Variants in RNF144B observed in about 807,000 individuals in gnomAD.
RNF144B encodes E3 ubiquitin-protein ligase RNF144B.
A neutral mutation model predicts 40.2 loss-of-function variants in RNF144B; 25 were observed. The observed-to-expected ratio is 0.62, with a 90% CI of 0.45 to 0.87. The LOEUF is 0.87. RNF144B is among the 40% of genes least tolerant of loss of function. RNF144B has a pLI of 0.00. For missense variants in RNF144B, 365 were observed against 373.7 expected (o/e 0.98, Z 0.19); for synonymous variants, 145 against 136.3 (o/e 1.06, Z -0.44).
At position 18,410,192 on chromosome 6, in the gene RNF144B, A is replaced by G. The variant is rs1795006524; in HGVS notation, c.165+10493A>G. Among the ~76,000 whole-genome samples the G allele has an allele frequency of 6.6e-6, 1 of 152,174 alleles. No individual in the cohort carries two copies. ...TGTTGCCACTAAGTCACCAAAGTTT[A>G]TGTATTTCTTCTTTTGAAGTTGCAC... On this transcript the variant is annotated intron_variant, in intron 2 of 7. Transcript: ENST00000259939. This position sits in a 1 kb window ranked among gnomAD's most constrained non-coding sequence, Gnocchi z 4.6.
intron 1 of RNF144B, among the ~76,000 whole-genome samples, chr6:18,389,499 C>T (rs747374386): frequency 6.6e-6 from 1 of 152,160 alleles, no homozygotes; most frequent in Non-Finnish European, 1.5e-5. Flanking sequence ...ATATTTTAGA[C>T]GTTTAGAAAC....
Position 18,465,052 on chromosome 6 carries a change from C to T in RNF144B, c.897C>T (p.Asp299=). ...KSCRGKKKKH[D]PSTT is the part of the protein sequence containing the mutation. ...GTCGGGGCAAGAAGAAAAAGCACGA[C>T]CCATCCACAACCTAAAGATCTCTGT... The change falls in exon 8 of 8, where the codon GAC becomes GAT. Residue 299 remains aspartate (D), a synonymous_variant. Coordinates refer to ENST00000259939, the MANE Select transcript of RNF144B (RefSeq NM_182757.4). 9 of 1,613,720 alleles carry T rather than the reference C, an allele frequency of 5.6e-6. No homozygotes were observed. The highest frequency in any genetic ancestry group is 7.6e-6 in the Non-Finnish European group (9 of 1,179,864).
chr6:18,427,787 T>C (rs2080727692), intron 3 of RNF144B, 102 bp downstream of exon 3: 1 of 757,778 alleles, frequency 1.3e-6, no homozygotes, highest in Non-Finnish European at 2.2e-6. Context: ...AGCAAGAAAA[T>C]ACAGAGGTTA....
rs1795199399 is a variant in RNF144B at position 18,418,949 on chromosome 6, G to A, written c.166-8632G>A. ...GATAATTCTATTAAAAAGCTGATGTGGAGAATCTTTGACATGGGTCTTGGT... is the reference window on the plus strand; with the variant it reads ...GATAATTCTATTAAAAAGCTGATGTAGAGAATCTTTGACATGGGTCTTGGT... On this transcript the variant is annotated intron_variant, in intron 2 of 7. Transcript: ENST00000259939. This position sits in a 1 kb window ranked among gnomAD's most constrained non-coding sequence, Gnocchi z 5.2. Among the ~76,000 whole-genome samples, 1 of 152,052 alleles carries A rather than the reference G, an allele frequency of 6.6e-6. No individual in the cohort carries two copies. Among genetic ancestry groups the A allele is most frequent in the African/African-American group, 2.4e-5 (1 of 41,396 alleles).
intron 3 of RNF144B, among the ~76,000 whole-genome samples, chr6:18,433,702 T>C (rs1349389364): frequency 6.6e-6 from 1 of 152,172 alleles, no homozygotes; most frequent in Non-Finnish European, 1.5e-5. Context: ...TGGAATTCCA[T>C]TTCTTGCCTT....
Position 18,467,054 on chromosome 6 carries a change from A to G in RNF144B, c.*1987A>G, listed in dbSNP as rs1485589216. 3.3e-5 allele frequency: 5 copies of G among 152,646 alleles called. No homozygotes were observed. The highest frequency in any genetic ancestry group is 1.2e-4 in the African/African-American group (5 of 41,458). 9.5% of individuals were successfully genotyped at this position (152,646 alleles called of 1,614,324 possible). ...TTAGTATAATTATAGATTTACATAT[A>G]TTTGAATAGTTAATTTGCTTTGTTT... On this transcript the variant is annotated 3_prime_UTR_variant, in exon 8 of 8. Transcript: ENST00000259939.
chr6:18,394,235 T>C (rs935351143), intron 1 of RNF144B, among the ~76,000 whole-genome samples: 2 of 152,208 alleles, frequency 1.3e-5, no homozygotes, highest in Non-Finnish European at 2.9e-5. Flanking sequence ...CCAATTACAC[T>C]ATCTTTTTGT....
chr6:18,394,606 C>A (rs1000717705), intron 1 of RNF144B, among the ~76,000 whole-genome samples: 6 of 135,424 alleles, frequency 4.4e-5, no homozygotes, highest in Non-Finnish European at 9.7e-5. Context: ...CCCTACCCCC[C>A]AACCAAGAAA....
intron 3 of RNF144B, among the ~76,000 whole-genome samples, chr6:18,438,025 A>C (rs368449055): frequency 2.8e-4 from 43 of 152,330 alleles, no homozygotes; most frequent in African/African-American, 1.0e-3. Flanking sequence ...TGGTTAAAAA[A>C]AGATTCATAG....
rs1397257514 is a variant in RNF144B at position 18,464,322 on chromosome 6, T to C, written c.772-605T>C. 1.3e-5 allele frequency among the ~76,000 whole-genome samples: 2 copies of C among 152,224 alleles called. No individual in the cohort carries two copies. Among genetic ancestry groups the C allele is most frequent in the Non-Finnish European group, 2.9e-5 (2 of 68,040 alleles). ...AGAGAGCACCAATACCAATAATTCA[T>C]GACTATACTGAGCTTGCGACAGCTT... On this transcript the variant is annotated intron_variant, in intron 7 of 7. Coordinates refer to ENST00000259939, the MANE Select transcript of RNF144B (RefSeq NM_182757.4). The surrounding 1 kb of genome is among the most constrained non-coding windows in gnomAD (Gnocchi z 6.1).
Position 18,458,519 on chromosome 6 carries a change from G to T in RNF144B, c.537-1088G>T, listed in dbSNP as rs998963493. Among the ~76,000 whole-genome samples, 2 of 152,142 alleles carry T rather than the reference G, an allele frequency of 1.3e-5. No homozygotes were observed. The highest frequency in any genetic ancestry group is 4.8e-5 in the African/African-American group (2 of 41,428). ...TGGCAGGCATGTGCCCTCTTAGCCG[G>T]ATTCAAACCACTGTTGCCTACATTT... On this transcript the variant is annotated intron_variant, in intron 5 of 7. Coordinates refer to ENST00000259939, the MANE Select transcript of RNF144B (RefSeq NM_182757.4). This position sits in a 1 kb window ranked among gnomAD's most constrained non-coding sequence, Gnocchi z 4.8.
At position 18,427,665 on chromosome 6, in the gene RNF144B, G is replaced by A. The variant is rs754380269; in HGVS notation, c.250G>A (p.Gly84Arg). The change falls in exon 3 of 8, where the codon GGG (glycine) becomes AGG (arginine). Residue 84 changes from glycine (G) to arginine (R), a missense_variant. Physicochemically the swap from Gly to Arg is moderately radical, Grantham distance 125 (BLOSUM62 -2). Coordinates refer to ENST00000259939, the MANE Select transcript of RNF144B (RefSeq NM_182757.4). ...TCPDMVCLNH[G>R]TLQEAEIACL... ...CCCTGACATGGTGTGCCTAAACCAC[G>A]GGACCCTGCAGGAAGCTGAGGTATG... 8.7e-6 allele frequency: 14 copies of A among 1,612,354 alleles called. No homozygotes were observed. The highest frequency in any genetic ancestry group is 1.7e-4 in the Middle Eastern group (1 of 6,052).
chr6:18,429,029 C>T (rs1758632078), intron 3 of RNF144B, among the ~76,000 whole-genome samples: 1 of 151,888 alleles, frequency 6.6e-6, no homozygotes, highest in Non-Finnish European at 1.5e-5. Context: ...CCCATATCTA[C>T]AAAAATAAAA....
intron 3 of RNF144B, among the ~76,000 whole-genome samples, chr6:18,430,486 TTC>T (rs5874639): frequency 0.98 from 145,833 of 149,184 alleles, 71,346 homozygotes; most frequent in East Asian, 1. Context: ...GCTTCTTGCT[TTC>T]TCTCTCTCTC....
chr6:18,390,663 A>C (rs1045344028), intron 1 of RNF144B, among the ~76,000 whole-genome samples: 2 of 152,216 alleles, frequency 1.3e-5, no homozygotes, highest in African/African-American at 4.8e-5. Context: ...CCCTTCATCA[A>C]CTTGTTCTTT....
chr6:18,394,461 G>T (rs1207814256), intron 1 of RNF144B, among the ~76,000 whole-genome samples: 1 of 152,018 alleles, frequency 6.6e-6, no homozygotes, highest in African/African-American at 2.4e-5. Flanking sequence ...AGCCCGGCGT[G>T]GTGGTGGGCA....
chr6:18,463,378 C>G lies in RNF144B; in HGVS notation c.769C>G (p.Gln257Glu). 1 of 1,594,130 alleles carries G rather than the reference C, an allele frequency of 6.3e-7. No homozygotes were observed. Among genetic ancestry groups the G allele is most frequent in the Non-Finnish European group, 8.6e-7 (1 of 1,161,836 alleles). Residue 257 changes from glutamine (Q) to glutamate (E), a missense_variant and splice_region_variant, in exon 7 of 8, where the codon CAG (glutamine) becomes GAG (glutamate). Coordinates refer to ENST00000259939, the MANE Select transcript of RNF144B (RefSeq NM_182757.4). ...AGCATCAGTGATGTGGAACCGAACA[C>G]AGGTACCCTGACCTTATAGGGAGCG... ...SRASVMWNRT[Q>E]VVGILVGLGI...
At position 18,406,150 on chromosome 6, in the gene RNF144B, CT is replaced by C. The variant is rs775892445; in HGVS notation, c.165+6455del. The C allele has an allele frequency of 3.9e-6, 2 of 518,882 alleles. No homozygotes were observed. Among genetic ancestry groups the C allele is most frequent in the South Asian group, 1.4e-5 (1 of 71,564 alleles). 32.1% of individuals were successfully genotyped at this position (518,882 alleles called of 1,614,324 possible). A position where few individuals can be genotyped will look rare whatever the true frequency, so the allele number is the denominator to read the frequency against. ...AAGCCCTGGTTTTCAAATAACTCAA[CT>C]TTTCGTATGAGACATAGATGCTAAC... On this transcript the variant is annotated intron_variant, in intron 2 of 7. Transcript: ENST00000259939. The surrounding 1 kb of genome is among the most constrained non-coding windows in gnomAD (Gnocchi z 4.2).
rs1794761776 is a variant in RNF144B at position 18,399,644 on chromosome 6, A to G, written c.110A>G (p.Gln37Arg). 1.2e-6 allele frequency: 2 copies of G among 1,614,044 alleles called. No homozygotes were observed. The highest frequency in any genetic ancestry group is 1.3e-5 in the African/African-American group (1 of 74,906). Residue 37 changes from glutamine to arginine, a missense_variant, in exon 2 of 8, where the codon CAG (glutamine) becomes CGG (arginine). Physicochemically the swap from Gln to Arg is conservative, Grantham distance 43 (BLOSUM62 1). Transcript: ENST00000259939. The part of the protein sequence containing the change: ...LITCKLCLCE[Q>R]SLDKMTTLQE... ...ACTTGCAAACTCTGCCTGTGTGAGC[A>G]GTCTCTGGACAAGATGACCACACTC... is the stretch of plus-strand genomic sequence containing the variant.
Sources: allele counts gnomAD v4.1 joint callset (sites outside exome capture counted in the v4.1 genomes callset), GRCh38; gene constraint gnomAD v4.1.1; non-coding constraint Gnocchi (gnomAD v3.1); transcripts MANE v1.5; gene names NCBI Gene and HGNC (gene_info 2026-07-23, HGNC 2026-07-21).